COL11A1: variants seen among roughly 807,000 people sequenced by gnomAD.
COL11A1 encodes the protein collagen alpha-1(XI) chain.
A neutral mutation model predicts 265.2 loss-of-function variants in COL11A1; 74 were observed. The ratio of observed to expected loss-of-function variants is 0.28; its 90% CI spans 0.23 to 0.34. COL11A1 has a LOEUF of 0.34. Ranked by LOEUF, COL11A1 falls within the 10% of genes least tolerant of loss-of-function variation. The pLI is 1.00. For synonymous variants in COL11A1, 816 were observed against 727.6 expected (o/e 1.12, Z -1.96); for missense variants, 2,165 against 2,263.6 (o/e 0.96, Z 0.88).
rs35232764 is a variant in COL11A1 at position 102,890,516 on chromosome 1, C to CA, written c.4303-13dup. On this transcript the variant is annotated splice_polypyrimidine_tract_variant and intron_variant, in intron 57 of 66. Coordinates refer to ENST00000370096, the MANE Select transcript of COL11A1 (RefSeq NM_001854.4). ...AAGCCAGGAGGTCCCTAAATAATAA[C>CA]AAAAAAAAAACCCCAAAACAAAAAC... The CA allele has an allele frequency of 0.025, 33,106 of 1,340,728 alleles. 102 individuals are homozygous for CA. Among genetic ancestry groups the CA allele is most frequent in the African/African-American group, 0.044 (2,979 of 68,372 alleles). 83.1% of individuals were successfully genotyped at this position (1,340,728 alleles called of 1,614,324 possible). A position where few individuals can be genotyped will look rare whatever the true frequency, so the allele number is the denominator to read the frequency against.
chr1:102,888,498 A>C, intron 62 of COL11A1, 79 bp downstream of exon 62: 10 of 1,360,734 alleles, frequency 7.3e-6, no homozygotes, highest in South Asian at 1.2e-5. Flanking sequence ...CTTTTTGTCT[A>C]TCTTATAAGT....
At chr1:102,888,080 A>G (rs898474483) in intron 62 of COL11A1, among the ~76,000 whole-genome samples, 5 of 152,190 alleles carry the variant, frequency 3.3e-5, no homozygotes, top group Non-Finnish European at 5.9e-5. Context: ...TAGCTCAAGA[A>G]AGAAGAATAA....
At position 103,006,795 on chromosome 1, in the gene COL11A1, T is replaced by C. The variant is rs555468926; in HGVS notation, c.1684-480A>G. ...CACCCATCTCGGCCTCCCAAAATGC[T>C]GGGATTACAGGCGTGAGCCACCGCG... is the stretch of plus-strand genomic sequence containing the variant. On this transcript the variant is annotated intron_variant, in intron 15 of 66. Coordinates refer to ENST00000370096, the MANE Select transcript of COL11A1 (RefSeq NM_001854.4). Among the ~76,000 whole-genome samples, 231 of 152,248 alleles carry C rather than the reference T, an allele frequency of 1.5e-3. 1 individual carries two copies. Among genetic ancestry groups the C allele is most frequent in the Middle Eastern group, 0.01 (3 of 294 alleles).
In COL11A1 at chr1:102,995,855, A is replaced by C. The variant is rs1283960166; in HGVS notation, c.2340+9T>G. 6.2e-7 allele frequency: 1 copy of C among 1,601,054 alleles called. No homozygotes were observed. Among genetic ancestry groups the C allele is most frequent in the African/African-American group, 1.3e-5 (1 of 74,682 alleles). On this transcript the variant is annotated intron_variant, in intron 28 of 66. Coordinates refer to ENST00000370096, the MANE Select transcript of COL11A1 (RefSeq NM_001854.4). ...AGAAATTAATACCATCTAAACAATT[A>C]AATTTTACCTTTTCACCTTTAGATC...
At chr1:103,085,360 T>C (rs1224120758) in intron 1 of COL11A1, among the ~76,000 whole-genome samples, 1 of 152,144 alleles carries the variant, frequency 6.6e-6, no homozygotes, top group Non-Finnish European at 1.5e-5. Context: ...GGACACCATC[T>C]CATGGTAGGG....
chr1:102,997,146 A>T, intron 25 of COL11A1, 22 bp from the exon 26 acceptor site: 1 of 1,589,924 alleles, frequency 6.3e-7, no homozygotes, highest in Non-Finnish European at 8.6e-7. Context: ...AAAAACATAC[A>T]CTGATAAGAT....
intron 14 of COL11A1, among the ~76,000 whole-genome samples, 174 bp from the exon 15 acceptor site, chr1:103,008,690 C>T (rs1413651855): frequency 2.6e-5 from 4 of 152,306 alleles, no homozygotes; most frequent in Non-Finnish European, 5.9e-5. Context: ...AAATATATCT[C>T]TTCTCAATGT....
At chr1:103,052,635 G>A (rs571844895) in intron 4 of COL11A1, among the ~76,000 whole-genome samples, 1 of 152,182 alleles carries the variant, frequency 6.6e-6, no homozygotes, top group East Asian at 1.9e-4. Flanking sequence ...TTTCAACAGA[G>A]AATAATCAAC....
At chr1:102,946,371 GA>G (rs1659272532) in intron 42 of COL11A1, among the ~76,000 whole-genome samples, 1 of 151,930 alleles carries the variant, frequency 6.6e-6, no homozygotes, top group African/African-American at 2.4e-5. Flanking sequence ...GATATTAGAT[GA>G]AATAATTAGT....
chr1:102,912,186 A>C lies in COL11A1; in HGVS notation c.4059T>G (p.Ala1353=). The C allele has an allele frequency of 6.8e-6, 11 of 1,611,844 alleles. No individual in the cohort carries two copies. The highest frequency in any genetic ancestry group is 1.1e-5 in the South Asian group (1 of 90,620). The change falls in exon 54 of 67, where the codon GCT becomes GCG. Residue 1353 remains alanine (A), a synonymous_variant. Coordinates refer to ENST00000370096, the MANE Select transcript of COL11A1 (RefSeq NM_001854.4). The stretch of plus-strand genomic sequence containing the variant: ...GTTTTCCAGGAGGACCTGGTGGGCC[A>C]GCCTCACCAGATGGGCCAGGAGGAC... The part of the protein sequence containing the change: ...QPGPPGPSGE[A]GPPGPPGKRG...
rs1188694587 is a variant in COL11A1 at position 102,888,959 on chromosome 1, C to G, written c.4465-40G>C. 1.9e-6 allele frequency: 3 copies of G among 1,560,274 alleles called. No individual in the cohort carries two copies. In the South Asian group the frequency reaches 3.3e-5, roughly 17 times the overall value. On this transcript the variant is annotated intron_variant, in intron 59 of 66. Coordinates refer to ENST00000370096, the MANE Select transcript of COL11A1 (RefSeq NM_001854.4). ...AGCCAATTTAAAGGGATTTTCTCAG[C>G]TATTTCATTTTCATGTTTTCATAAC...
chr1:103,087,289 C>T (rs551625499), intron 1 of COL11A1, among the ~76,000 whole-genome samples: 48 of 152,230 alleles, frequency 3.2e-4, no homozygotes, highest in Middle Eastern at 3.4e-3. Context: ...GTTTATTAAA[C>T]GGGAGAATAG....
chr1:103,000,489 A>T (rs1247776026), intron 24 of COL11A1, among the ~76,000 whole-genome samples: 2 of 151,992 alleles, frequency 1.3e-5, no homozygotes, highest in African/African-American at 4.8e-5. Flanking sequence ...AGAAATGGCC[A>T]ATAAGCATGT....
chr1:103,095,705 A>C (rs1216111448), intron 1 of COL11A1, among the ~76,000 whole-genome samples: 1 of 151,936 alleles, frequency 6.6e-6, no homozygotes, highest in Non-Finnish European at 1.5e-5. Flanking sequence ...TCATTTGTAC[A>C]TTGGATATTT....
chr1:103,047,497 T>G (rs908225481), intron 4 of COL11A1, among the ~76,000 whole-genome samples: 1 of 152,150 alleles, frequency 6.6e-6, no homozygotes, highest in African/African-American at 2.4e-5. Flanking sequence ...CTTAAGGAGA[T>G]TTTGGGCTGA....
At chr1:103,005,658 A>G (rs1665527088) in intron 18 of COL11A1, among the ~76,000 whole-genome samples, 180 bp downstream of exon 18, 1 of 152,218 alleles carries the variant, frequency 6.6e-6, no homozygotes, top group African/African-American at 2.4e-5. Flanking sequence ...ATATTCAAAG[A>G]ACTTACACTG....
At chr1:103,043,616 A>C (rs1669012001) in intron 4 of COL11A1, among the ~76,000 whole-genome samples, 1 of 152,172 alleles carries the variant, frequency 6.6e-6, no homozygotes, top group Admixed American at 6.6e-5. Context: ...GAATACTATT[A>C]CTTGTATTTC....
chr1:103,002,812 T>C (rs1557930019), intron 21 of COL11A1, 21 bp from the exon 22 acceptor site: 2 of 1,609,322 alleles, frequency 1.2e-6, no homozygotes, highest in Admixed American at 3.3e-5. Flanking sequence ...GAAAAAGTAT[T>C]TATGGTTGTT....
At chr1:103,024,215 C>A (rs1327751940) in intron 7 of COL11A1, among the ~76,000 whole-genome samples, 1 of 152,154 alleles carries the variant, frequency 6.6e-6, no homozygotes, top group Non-Finnish European at 1.5e-5. Context: ...CAGCCTGGGA[C>A]TCCTGGGCTT....
Sources: gnomAD v4.1 joint callset for allele counts (sites outside exome capture counted in the v4.1 genomes callset) on GRCh38, gnomAD v4.1.1 for gene constraint, MANE v1.5 for transcripts, NCBI Gene and HGNC (gene_info 2026-07-23, HGNC 2026-07-21) for gene names.